The following FHIT variants were observed in gnomAD, a reference collection of about 807,000 sequenced individuals.
FHIT encodes the protein fragile histidine triad diadenosine triphosphatase.
In FHIT, 19 loss-of-function variants were observed where a neutral mutation model predicts 17.9. The ratio of observed to expected loss-of-function variants is 1.06; its 90% confidence interval spans 0.74 to 1.56. The LOEUF (loss-of-function observed/expected upper bound fraction) is 1.56, where lower values mean the gene tolerates loss of function less well. Among genes scored for constraint, FHIT ranks in the 40% most tolerant of loss-of-function variants. FHIT has a pLI of 0.00. For synonymous variants in FHIT, 81 were observed against 69.7 expected (o/e 1.16, Z -0.81); for missense variants, 248 against 189.2 (o/e 1.31, Z -1.82).
intron 5 of FHIT, among the ~76,000 whole-genome samples, chr3:60,194,487 G>C (rs1220064552): frequency 6.6e-6 from 1 of 152,056 alleles, no homozygotes; most frequent in Admixed American, 6.6e-5. Flanking sequence ...AAAAATCTTA[G>C]AAGAAAACCT....
chr3:59,956,118 C>A (rs1037909883), intron 7 of FHIT, among the ~76,000 whole-genome samples: 2 of 152,194 alleles, frequency 1.3e-5, no homozygotes, highest in Non-Finnish European at 2.9e-5. Context: ...TCGGAACAAT[C>A]ATGCTTTTTG....
chr3:60,093,201 G>A (rs987777300), intron 5 of FHIT, among the ~76,000 whole-genome samples: 4 of 152,120 alleles, frequency 2.6e-5, no homozygotes, highest in Non-Finnish European at 4.4e-5. Flanking sequence ...TGAGCCTGAC[G>A]CAGGTCTAAA....
chr3:60,561,551 G>T (rs1205996372), intron 4 of FHIT, among the ~76,000 whole-genome samples: 1 of 152,046 alleles, frequency 6.6e-6, no homozygotes, highest in Admixed American at 6.6e-5. Context: ...ATCTGGGCAG[G>T]GGACAGGTGA....
At chr3:60,165,923 T>C (rs536745292) in intron 5 of FHIT, among the ~76,000 whole-genome samples, 6 of 152,136 alleles carry the variant, frequency 3.9e-5, no homozygotes, top group African/African-American at 1.4e-4. Flanking sequence ...CAACTTCTGT[T>C]TTTTTCACCG....
chr3:61,168,619 T>C (rs2107123423), intron 2 of FHIT, among the ~76,000 whole-genome samples: 1 of 152,314 alleles, frequency 6.6e-6, no homozygotes, highest in South Asian at 2.1e-4. Flanking sequence ...CCACACAATG[T>C]CTCCACTCCT....
intron 4 of FHIT, among the ~76,000 whole-genome samples, chr3:60,597,638 A>C (rs1484341051): frequency 6.6e-6 from 1 of 152,158 alleles, no homozygotes; most frequent in African/African-American, 2.4e-5. Flanking sequence ...AATGCCAAGG[A>C]AATGTCAGGG....
chr3:61,123,348 T>C (rs767551571), intron 2 of FHIT, among the ~76,000 whole-genome samples: 1 of 152,228 alleles, frequency 6.6e-6, no homozygotes, highest in South Asian at 2.1e-4. Context: ...CTGGGGCCTT[T>C]CAGTGGCTGG....
chr3:61,187,522 C>T lies in FHIT; in HGVS notation c.-164+13095G>A, dbSNP rs543203035. ...CCACTGTCAACATCACACAGATCAA[C>T]GAGACAGAAAGTTAACAAGGATATC... On this transcript the variant is annotated intron_variant, in intron 2 of 9. Coordinates refer to ENST00000492590, the MANE Select transcript of FHIT (RefSeq NM_002012.4). Among the ~76,000 whole-genome samples the T allele has an allele frequency of 2.0e-3, 300 of 152,244 alleles. 2 individuals are homozygous for T. Among genetic ancestry groups the T allele is most frequent in the African/African-American group, 6.5e-3 (269 of 41,550 alleles).
intron 5 of FHIT, among the ~76,000 whole-genome samples, chr3:60,157,169 C>T (rs1207337173): frequency 6.6e-6 from 1 of 152,132 alleles, no homozygotes; most frequent in Non-Finnish European, 1.5e-5. Flanking sequence ...TGCCAACAAT[C>T]ACTGGCTGCT....
intron 4 of FHIT, among the ~76,000 whole-genome samples, chr3:60,796,172 C>T: frequency 6.6e-6 from 1 of 152,140 alleles, no homozygotes; most frequent in East Asian, 1.9e-4. Context: ...AGGTACCTCC[C>T]ACAACACGTG....
At chr3:59,789,271 A>G (rs999328744) in intron 8 of FHIT, among the ~76,000 whole-genome samples, 1 of 152,230 alleles carries the variant, frequency 6.6e-6, no homozygotes, top group African/African-American at 2.4e-5. Context: ...AGAAGAAAAT[A>G]CCAAACATCT....
intron 4 of FHIT, among the ~76,000 whole-genome samples, chr3:60,557,681 C>T (rs949329574): frequency 6.6e-6 from 1 of 151,668 alleles, no homozygotes; most frequent in African/African-American, 2.4e-5. Flanking sequence ...CAAGCATATG[C>T]CAGTTACTAA....
At chr3:60,355,455 C>A (rs1699610765) in intron 5 of FHIT, among the ~76,000 whole-genome samples, 1 of 151,022 alleles carries the variant, frequency 6.6e-6, no homozygotes, top group Non-Finnish European at 1.5e-5. Context: ...TCCATGTTTA[C>A]TAAACAGATG....
chr3:60,294,998 G>A (rs1311870638), intron 5 of FHIT, among the ~76,000 whole-genome samples: 2 of 152,144 alleles, frequency 1.3e-5, no homozygotes, highest in East Asian at 1.9e-4. Context: ...TTTGTGTAAC[G>A]GTTTTTGTGT....
intron 7 of FHIT, among the ~76,000 whole-genome samples, chr3:59,960,804 T>C (rs989366720): frequency 1.3e-5 from 2 of 152,216 alleles, no homozygotes; most frequent in African/African-American, 2.4e-5. Context: ...GTATTTTGCA[T>C]ATCTGTTTTA....
At chr3:59,874,693 C>T (rs58999901) in intron 8 of FHIT, among the ~76,000 whole-genome samples, 5,316 of 150,742 alleles carry the variant, frequency 0.035, 320 homozygotes, top group African/African-American at 0.12. Flanking sequence ...TTTTTTTTGC[C>T]AGTTAGTCAG....
intron 5 of FHIT, among the ~76,000 whole-genome samples, chr3:60,101,881 T>C (rs1704205372): frequency 1.3e-5 from 2 of 152,204 alleles, no homozygotes; most frequent in Admixed American, 6.5e-5. Flanking sequence ...TAGGTCACTT[T>C]TTCTTGCCTC....
chr3:61,055,903 G>A (rs55953691), intron 2 of FHIT, among the ~76,000 whole-genome samples: 24,342 of 152,040 alleles, frequency 0.16, 2,523 homozygotes, highest in African/African-American at 0.29. Flanking sequence ...TTTTGATATA[G>A]GCATGCAATG....
intron 5 of FHIT, among the ~76,000 whole-genome samples, chr3:60,202,872 C>A (rs1370182447): frequency 2.0e-5 from 3 of 152,086 alleles, no homozygotes; most frequent in South Asian, 2.1e-4. Flanking sequence ...CAGAATGGCA[C>A]TCCATAGCAT....
Sources: allele counts gnomAD v4.1 joint callset (sites outside exome capture counted in the v4.1 genomes callset), GRCh38; gene constraint gnomAD v4.1.1; transcripts MANE v1.5; gene names NCBI Gene and HGNC (gene_info 2026-07-23, HGNC 2026-07-21).